MYO3A: variants seen among roughly 807,000 people sequenced by gnomAD.
The protein encoded by MYO3A is myosin IIIA.
MYO3A carries 180 observed loss-of-function variants against 192.7 expected under a neutral mutation model. That is an observed-to-expected ratio of 0.93 (90% confidence interval 0.83 to 1.06). The LOEUF (loss-of-function observed/expected upper bound fraction) is 1.06, where lower values mean the gene tolerates loss of function less well. Among genes scored for constraint, MYO3A ranks in the 50% least tolerant of loss-of-function variants. The probability of loss-of-function intolerance (pLI) is 0.00; values close to 1 mark genes in which losing one functional copy is unlikely to be tolerated. For synonymous variants in MYO3A, 628 were observed against 645.3 expected, an observed-to-expected ratio of 0.97 and a Z score of 0.41; for missense variants, 1,896 against 1,905.0, an observed-to-expected ratio of 1.00 and a Z score of 0.09.
At chr10:25,993,593 A>C (rs577196330) in intron 4 of MYO3A, among the ~76,000 whole-genome samples, 13 of 152,036 alleles carry the variant, frequency 8.6e-5, no homozygotes, top group Non-Finnish European at 1.8e-4. Context: ...TAGTTCTGTT[A>C]ATTGTGATGT....
intron 10 of MYO3A, among the ~76,000 whole-genome samples, chr10:26,060,222 G>A (rs937888834): frequency 9.2e-5 from 14 of 151,962 alleles, no homozygotes; most frequent in Non-Finnish European, 2.1e-4. Flanking sequence ...TCATGCCATT[G>A]CACTACAGCC....
At chr10:26,019,330 C>T (rs1022664570) in intron 7 of MYO3A, among the ~76,000 whole-genome samples, 6 of 152,068 alleles carry the variant, frequency 3.9e-5, no homozygotes, top group African/African-American at 1.4e-4. Context: ...GCAATCTCGG[C>T]TCACTGCAAG....
At chr10:26,112,462 T>C (rs915950004) in intron 17 of MYO3A, among the ~76,000 whole-genome samples, 2 of 152,242 alleles carry the variant, frequency 1.3e-5, no homozygotes, top group Non-Finnish European at 2.9e-5. Context: ...TGTTTGACAA[T>C]AGCTGCTTCT....
Position 26,174,260 on chromosome 10 carries a change from A to C in MYO3A, c.3996A>C (p.Lys1332Asn), listed in dbSNP as rs201919482. The C allele has an allele frequency of 6.2e-7, 1 of 1,614,080 alleles. No homozygotes were observed. Among genetic ancestry groups the C allele is most frequent in the African/African-American group, 1.3e-5 (1 of 75,030 alleles). ...GRGRLRHETVKERQVEPVTQA... is the reference protein window; with the variant it reads ...GRGRLRHETVNERQVEPVTQA... ...GCCGTCTGAGGCATGAGACAGTCAA[A>C]GAGAGGCAAGTTGAACCAGTGACAC... is the stretch of plus-strand genomic sequence containing the variant. The change falls in exon 30 of 35, where the codon AAA becomes AAC. Residue 1332 changes from lysine to asparagine, a missense_variant. Transcript: ENST00000642920.
chr10:26,071,931 G>C (rs146124351), intron 14 of MYO3A, among the ~76,000 whole-genome samples: 1 of 152,116 alleles, frequency 6.6e-6, no homozygotes, highest in Non-Finnish European at 1.5e-5. Context: ...AGAACTTTCC[G>C]AGACTGGGTA....
Position 26,172,824 on chromosome 10 carries a change from C to T in MYO3A, c.3399-839C>T, listed in dbSNP as rs114080542. 2.5e-3 allele frequency among the ~76,000 whole-genome samples: 385 copies of T among 152,180 alleles called. 2 individuals carry two copies. The highest frequency in any genetic ancestry group is 8.7e-3 in the African/African-American group (361 of 41,522). On this transcript the variant is annotated intron_variant, in intron 29 of 34. Coordinates refer to ENST00000642920, the MANE Select transcript of MYO3A (RefSeq NM_017433.5). ...CAGTAGAATTAGAAAAATGGAATCC[C>T]GGTAGCTTTTTCCAGATTTGACTCA... is the stretch of plus-strand genomic sequence containing the variant.
chr10:25,963,785 T>C (rs1475288425), intron 4 of MYO3A, among the ~76,000 whole-genome samples: 1 of 152,222 alleles, frequency 6.6e-6, no homozygotes, highest in African/African-American at 2.4e-5. Flanking sequence ...ATTTTTTGTT[T>C]GTTTAAAGGG....
At chr10:25,991,120 G>A (rs1839999935) in intron 4 of MYO3A, among the ~76,000 whole-genome samples, 1 of 152,128 alleles carries the variant, frequency 6.6e-6, no homozygotes, top group Non-Finnish European at 1.5e-5. Context: ...CTAGTTTACA[G>A]TCCCACCAAC....
At chr10:26,176,603 C>T (rs1842347067) in intron 30 of MYO3A, 98 bp from the exon 31 acceptor site, 1 of 1,120,280 alleles carries the variant, frequency 8.9e-7, no homozygotes, top group South Asian at 1.3e-5. Flanking sequence ...CATGAGAGTC[C>T]CCAAGAGTGC....
intron 27 of MYO3A, 89 bp downstream of exon 27, chr10:26,166,267 T>C (rs1486483649): frequency 5.4e-6 from 6 of 1,114,972 alleles, no homozygotes; most frequent in Non-Finnish European, 6.8e-6. Context: ...GAAAGTATGG[T>C]TTTTTTATGT....
chr10:26,097,570 T>C (rs1447218097), intron 17 of MYO3A, among the ~76,000 whole-genome samples: 1 of 151,738 alleles, frequency 6.6e-6, no homozygotes, highest in Non-Finnish European at 1.5e-5. Flanking sequence ...CAGTGTGTGA[T>C]GTTCCCCACC....
Position 25,968,918 on chromosome 10 carries a change from C to G in MYO3A, c.303+13910C>G, listed in dbSNP as rs569842037. Among the ~76,000 whole-genome samples, 6 of 152,290 alleles carry G rather than the reference C, an allele frequency of 3.9e-5. No homozygotes were observed. The South Asian group carries it at 1.2e-3, about 32-fold the overall frequency. ...CAGATTGTCATAGTATTGCAGTGCTCATGTTCAAGTAACCCTTATTTTACT... is the reference window on the plus strand; with the variant it reads ...CAGATTGTCATAGTATTGCAGTGCTGATGTTCAAGTAACCCTTATTTTACT... On this transcript the variant is annotated intron_variant, in intron 4 of 34. Coordinates refer to ENST00000642920, the MANE Select transcript of MYO3A (RefSeq NM_017433.5).
At chr10:26,029,911 G>C (rs765337828) in intron 10 of MYO3A, among the ~76,000 whole-genome samples, 2 of 151,764 alleles carry the variant, frequency 1.3e-5, no homozygotes, top group Non-Finnish European at 2.9e-5. Flanking sequence ...ATTCTATTTG[G>C]AGGGTTTTGC....
Position 25,952,279 on chromosome 10 carries a change from G to A in MYO3A, c.168+1G>A, listed in dbSNP as rs777866495. ...AGTCAAAATTCTTGATCCAATTCAC[G>A]TAAGTCATATTTTTTCCTTCTAATT... is the stretch of plus-strand genomic sequence containing the variant. On this transcript the variant is annotated splice_donor_variant, in intron 3 of 34. Coordinates refer to ENST00000642920, the MANE Select transcript of MYO3A (RefSeq NM_017433.5). LOFTEE classifies it high-confidence loss of function. 2.3e-5 allele frequency: 37 copies of A among 1,611,346 alleles called. No homozygotes were observed. The highest frequency in any genetic ancestry group is 6.7e-5 in the Admixed American group (4 of 59,766).
At position 26,211,852 on chromosome 10, in the gene MYO3A, G is replaced by A. The variant is rs1181285977; in HGVS notation, c.4740G>A (p.Ala1580=). 9 of 1,613,942 alleles carry A rather than the reference G, an allele frequency of 5.6e-6. No individual in the cohort carries two copies. Among genetic ancestry groups the A allele is most frequent in the Non-Finnish European group, 6.8e-6 (8 of 1,180,022 alleles). ...TGGGTTTCACTTGCAGGTGCTGGGC[G>A]GCGGAGAGCCCCGAGAAGGAGGAGG... ...QCIKANERCW[A]AESPEKEEER... The change falls in exon 35 of 35, where the codon GCG becomes GCA. Residue 1580 remains alanine, a synonymous_variant. Transcript: ENST00000642920.
chr10:26,209,524 C>G (rs568469165), intron 34 of MYO3A, among the ~76,000 whole-genome samples: 1 of 152,278 alleles, frequency 6.6e-6, no homozygotes, highest in African/African-American at 2.4e-5. Flanking sequence ...GTTTCCTCTC[C>G]CAGCACGACA....
At chr10:25,945,167 T>C (rs1836756814) in intron 2 of MYO3A, among the ~76,000 whole-genome samples, 1 of 152,120 alleles carries the variant, frequency 6.6e-6, no homozygotes, top group Non-Finnish European at 1.5e-5. Flanking sequence ...TACTGCTTAA[T>C]TTCTACATAT....
intron 17 of MYO3A, among the ~76,000 whole-genome samples, chr10:26,111,495 C>T (rs2131641728): frequency 6.6e-6 from 1 of 152,298 alleles, no homozygotes; most frequent in East Asian, 1.9e-4. Flanking sequence ...GTGCATCTTT[C>T]CCTGCTGCCA....
chr10:26,046,671 T>C (rs2131259495), intron 10 of MYO3A, among the ~76,000 whole-genome samples: 1 of 152,368 alleles, frequency 6.6e-6, no homozygotes, highest in African/African-American at 2.4e-5. Flanking sequence ...TTAAAAGCTA[T>C]CCCTGGTTCA....
Sources: allele counts gnomAD v4.1 joint callset (sites outside exome capture counted in the v4.1 genomes callset), GRCh38; gene constraint gnomAD v4.1.1; transcripts MANE v1.5; gene names NCBI Gene and HGNC (gene_info 2026-07-23, HGNC 2026-07-21).